Variants in RBMS1 observed in about 807,000 individuals in gnomAD.
RBMS1 encodes RNA-binding motif, single-stranded-interacting protein 1.
A neutral mutation model predicts 62.3 loss-of-function variants in RBMS1; 17 were observed. The ratio of observed to expected loss-of-function variants is 0.27; its 90% CI spans 0.19 to 0.41. RBMS1 has a LOEUF of 0.41. Among genes scored for constraint, RBMS1 ranks in the 10% least tolerant of loss-of-function variants. RBMS1 has a pLI of 1.00. For missense variants in RBMS1, 334 were observed against 504.5 expected (o/e 0.66, Z 3.24); for synonymous variants, 172 against 170.0 (o/e 1.01, Z -0.09).
chr2:160,417,558 T>G (rs1169755882), intron 1 of RBMS1, among the ~76,000 whole-genome samples: 1 of 152,220 alleles, frequency 6.6e-6, no homozygotes, highest in African/African-American at 2.4e-5. Flanking sequence ...TCATGCAATC[T>G]AAGATACCAC....
At chr2:160,453,659 T>C (rs1044163797) in intron 1 of RBMS1, among the ~76,000 whole-genome samples, 12 of 152,034 alleles carry the variant, frequency 7.9e-5, no homozygotes, top group African/African-American at 2.7e-4. Context: ...ACAGATCTGC[T>C]CTCTCATTCC....
At chr2:160,322,714 A>G (rs577372742) in intron 2 of RBMS1, among the ~76,000 whole-genome samples, 1 of 152,248 alleles carries the variant, frequency 6.6e-6, no homozygotes, top group East Asian at 1.9e-4. Context: ...ACTCAATTAT[A>G]CCACTTCCAG....
At chr2:160,276,763 T>C (rs1174235583) in intron 12 of RBMS1, 1 of 152,242 alleles carries the variant, frequency 6.6e-6, no homozygotes, top group Admixed American at 6.5e-5. Context: ...TAATTATCAT[T>C]GATACGATCT....
intron 1 of RBMS1, among the ~76,000 whole-genome samples, chr2:160,423,586 G>T (rs1696521457): frequency 1.3e-5 from 2 of 152,120 alleles, no homozygotes; most frequent in Non-Finnish European, 2.9e-5. Flanking sequence ...TCATCTTCAT[G>T]GAATTCCAAG....
At chr2:160,476,551 C>CTTTTTTTT (rs755429434) in intron 1 of RBMS1, among the ~76,000 whole-genome samples, 3 of 111,282 alleles carry the variant, frequency 2.7e-5, no homozygotes, top group Admixed American at 9.8e-5. Context: ...AAACACACTT[C>CTTTTTTTT]TTTTTTTTTT....
chr2:160,425,729 C>G (rs1019254946), intron 1 of RBMS1, among the ~76,000 whole-genome samples: 3 of 152,156 alleles, frequency 2.0e-5, no homozygotes, highest in Admixed American at 6.5e-5. Flanking sequence ...AACTCCTGCT[C>G]TTGATTTTGT....
intron 1 of RBMS1, among the ~76,000 whole-genome samples, chr2:160,385,280 T>C (rs1694508398): frequency 6.6e-6 from 1 of 152,140 alleles, no homozygotes; most frequent in Non-Finnish European, 1.5e-5. Context: ...GTTCTAACCT[T>C]AAAATCAGCC....
At chr2:160,450,580 C>CAAAAAAAAAAAAAAAAAA (rs796115120) in intron 1 of RBMS1, among the ~76,000 whole-genome samples, 1 of 120,828 alleles carries the variant, frequency 8.3e-6, no homozygotes, top group South Asian at 2.7e-4. Context: ...AAAAAAAAAA[C>CAAAAAAAAAAAAAAAAAA]AAAAAACATT....
Position 160,332,383 on chromosome 2 carries a change from T to C in RBMS1, c.252-14156A>G, listed in dbSNP as rs1003058611. 2.0e-4 allele frequency among the ~76,000 whole-genome samples: 31 copies of C among 152,136 alleles called. 1 individual carries two copies. Among genetic ancestry groups the C allele is most frequent in the Admixed American group, 2.0e-3 (31 of 15,278 alleles). ...ACAAAAACGTCCCAATACAATTTTGTAAAATCTTGTATGAATTGACCATGC... is the reference window on the plus strand; with the variant it reads ...ACAAAAACGTCCCAATACAATTTTGCAAAATCTTGTATGAATTGACCATGC... On this transcript the variant is annotated intron_variant, in intron 2 of 13. Transcript: ENST00000348849.
chr2:160,370,203 T>C (rs1264357486), intron 1 of RBMS1, among the ~76,000 whole-genome samples: 6 of 152,230 alleles, frequency 3.9e-5, no homozygotes, highest in Admixed American at 3.9e-4. Flanking sequence ...AAATTTTATT[T>C]CCAAATCAAT....
chr2:160,352,716 T>C (rs1177681485), intron 2 of RBMS1, among the ~76,000 whole-genome samples: 2 of 152,206 alleles, frequency 1.3e-5, no homozygotes, highest in African/African-American at 2.4e-5. Flanking sequence ...TACACATCCA[T>C]CATGCTCAAA....
At chr2:160,397,133 ACTCGTAC>A (rs1386806241) in intron 1 of RBMS1, among the ~76,000 whole-genome samples, 1 of 151,734 alleles carries the variant, frequency 6.6e-6, no homozygotes, top group East Asian at 2.0e-4. Flanking sequence ...TACCATGCCA[ACTCGTAC>A]CTCTGAACTC....
At chr2:160,449,438 T>C (rs1298812226) in intron 1 of RBMS1, among the ~76,000 whole-genome samples, 2 of 152,246 alleles carry the variant, frequency 1.3e-5, no homozygotes, top group Admixed American at 6.5e-5. Context: ...TGTGTCTGTG[T>C]AGAAAGAAGT....
chr2:160,338,478 G>T (rs562150750), intron 2 of RBMS1, among the ~76,000 whole-genome samples: 1 of 152,020 alleles, frequency 6.6e-6, no homozygotes, highest in Non-Finnish European at 1.5e-5. Flanking sequence ...ACATTCTATT[G>T]TCTATCTAAA....
chr2:160,466,650 C>T (rs1249331451), intron 1 of RBMS1, among the ~76,000 whole-genome samples: 1 of 152,192 alleles, frequency 6.6e-6, no homozygotes, highest in Non-Finnish European at 1.5e-5. Context: ...ATGATGCCAT[C>T]GTTTGCTGTA....
At chr2:160,324,380 C>T (rs1463890049) in intron 2 of RBMS1, among the ~76,000 whole-genome samples, 1 of 152,088 alleles carries the variant, frequency 6.6e-6, no homozygotes, top group Non-Finnish European at 1.5e-5. Flanking sequence ...CAACAGATGG[C>T]GACAATGGTT....
chr2:160,313,754 A>G (rs1288163062), intron 3 of RBMS1, among the ~76,000 whole-genome samples: 1 of 152,166 alleles, frequency 6.6e-6, no homozygotes, highest in African/African-American at 2.4e-5. Flanking sequence ...CCAATATAAA[A>G]TAATCTAAAG....
chr2:160,399,843 GA>G (rs887268338), intron 1 of RBMS1, among the ~76,000 whole-genome samples: 1 of 151,438 alleles, frequency 6.6e-6, no homozygotes, highest in Non-Finnish European at 1.5e-5. Flanking sequence ...CGATAACTAA[GA>G]AAAAAAGGGG....
intron 2 of RBMS1, among the ~76,000 whole-genome samples, chr2:160,362,593 CA>C (rs1203295728): frequency 6.6e-6 from 1 of 151,884 alleles, no homozygotes; most frequent in African/African-American, 2.4e-5. Context: ...TGTGGTGCCC[CA>C]AAACAATGAA....
Sources: allele counts gnomAD v4.1 joint callset (sites outside exome capture counted in the v4.1 genomes callset), GRCh38; gene constraint gnomAD v4.1.1; transcripts MANE v1.5; gene names NCBI Gene and HGNC (gene_info 2026-07-23, HGNC 2026-07-21).